The following SLC39A10 variants were observed in gnomAD, a reference collection of about 807,000 sequenced individuals.
SLC39A10 encodes the protein zinc transporter ZIP10.
SLC39A10 carries 13 observed loss-of-function variants against 65.1 expected under a neutral mutation model. The ratio of observed to expected loss-of-function variants is 0.20; its 90% CI spans 0.13 to 0.32. The LOEUF (loss-of-function observed/expected upper bound fraction) is 0.32. SLC39A10 is among the 10% of genes least tolerant of loss of function. SLC39A10 has a pLI of 1.00. For synonymous variants in SLC39A10, 321 were observed against 342.2 expected (o/e 0.94, Z 0.68); for missense variants, 831 against 1,018.4 (o/e 0.82, Z 2.50).
At chr2:195,692,331 CTTTTT>C (rs1419508439) in intron 3 of SLC39A10, among the ~76,000 whole-genome samples, 1 of 151,704 alleles carries the variant, frequency 6.6e-6, no homozygotes, top group African/African-American at 2.4e-5. Flanking sequence ...CCTGTAGGCT[CTTTTT>C]TGGTTCCATA....
At chr2:195,694,987 G>T (rs1414922009) in intron 3 of SLC39A10, among the ~76,000 whole-genome samples, 5 of 152,094 alleles carry the variant, frequency 3.3e-5, no homozygotes, top group African/African-American at 1.2e-4. Context: ...CCGCGGGGCC[G>T]GAGTCCCTGC....
rs180757991 is a variant in SLC39A10, at chr2:195,710,149, A to T, written c.1575+1305A>T. On this transcript the variant is annotated intron_variant, in intron 5 of 9. Transcript: ENST00000359634. ...CCTCACATTTATGAGAATACAAAAA[A>T]TATCTAAGAAGAATTATCCTCCAAG... 1.6e-4 allele frequency among the ~76,000 whole-genome samples: 24 copies of T among 152,332 alleles called. 2 individuals are homozygous for T. In the East Asian group the frequency reaches 4.4e-3, roughly 28 times the overall value.
rs1269914720 is a variant in SLC39A10 at position 195,716,711 on chromosome 2, T to A, written c.1771T>A (p.Ser591Thr). ...GACAGATTTAGAAGGCCAACAAGAATCCCCTCCTAAAAATTACCTTTGTAT... is the reference window on the plus strand; with the variant it reads ...GACAGATTTAGAAGGCCAACAAGAAACCCCTCCTAAAAATTACCTTTGTAT... The part of the protein sequence containing the change: ...ELTDLEGQQE[S>T]PPKNYLCIEE... Residue 591 changes from serine to threonine, a missense_variant, in exon 7 of 10, where the codon TCC becomes ACC. Physicochemically the swap from Ser to Thr is moderately conservative, Grantham distance 58. Around this residue, in one of 4 missense-constraint regions of SLC39A10, gnomAD observed 230 missense variants for 242.9 expected, o/e 0.95. Transcript: ENST00000359634. 3 of 1,614,046 alleles carry A rather than the reference T, an allele frequency of 1.9e-6. No homozygotes were observed. The highest frequency in any genetic ancestry group is 2.5e-6 in the Non-Finnish European group (3 of 1,179,984).
intron 2 of SLC39A10, among the ~76,000 whole-genome samples, chr2:195,614,614 C>A (rs944242806): frequency 6.6e-6 from 1 of 152,168 alleles, no homozygotes; most frequent in African/African-American, 2.4e-5. Context: ...AAAAAACCCC[C>A]TTAAAACACT....
rs1690427598 is a variant in SLC39A10 at position 195,683,896 on chromosome 2, A to G, written c.1206A>G (p.Ile402Met). The change falls in exon 3 of 10, where the codon ATA becomes ATG. Residue 402 changes from isoleucine (I) to methionine (M), a missense_variant. By Grantham distance (10) the Ile-to-Met change is conservative (BLOSUM62 1). Coordinates refer to ENST00000359634, the MANE Select transcript of SLC39A10 (RefSeq NM_020342.3). ...TGGTTCCTGAAGATGAGGCAAATAT[A>G]GGGGCATCAGGTAAGAGAGATTTTA... The part of the protein sequence containing the change: ...KNLVPEDEAN[I>M]GASAWICGII... 3.1e-6 allele frequency: 5 copies of G among 1,610,806 alleles called. No homozygotes were observed. Among genetic ancestry groups the G allele is most frequent in the Non-Finnish European group, 3.4e-6 (4 of 1,178,370 alleles).
intron 1 of SLC39A10, among the ~76,000 whole-genome samples, chr2:195,669,074 GAAA>G (rs11440320): frequency 1.5e-5 from 2 of 135,036 alleles, no homozygotes; most frequent in East Asian, 4.4e-4. Flanking sequence ...CTCCCTCTCA[GAAA>G]AAAAAAAAAA....
intron 2 of SLC39A10, among the ~76,000 whole-genome samples, chr2:195,627,432 C>T (rs909043784): frequency 5.3e-5 from 8 of 152,018 alleles, no homozygotes; most frequent in African/African-American, 1.7e-4. Context: ...GGAGGGCTGG[C>T]GATGTGATTC....
At chr2:195,628,427 C>T (rs1688517906) in intron 2 of SLC39A10, among the ~76,000 whole-genome samples, 1 of 152,198 alleles carries the variant, frequency 6.6e-6, no homozygotes, top group Admixed American at 6.5e-5. Context: ...TTAGCAGGCT[C>T]ATCTTAGATC....
At chr2:195,710,074 G>T (rs1457831908) in intron 5 of SLC39A10, among the ~76,000 whole-genome samples, 1 of 152,150 alleles carries the variant, frequency 6.6e-6, no homozygotes, top group East Asian at 1.9e-4. Context: ...CTTGACGCTT[G>T]GTTGAACTGT....
intron 9 of SLC39A10, among the ~76,000 whole-genome samples, chr2:195,732,301 T>C (rs115049836): frequency 0.018 from 2,767 of 152,318 alleles, 79 homozygotes; most frequent in African/African-American, 0.063. Context: ...CAATAAGATA[T>C]CAACAGTACC....
chr2:195,681,945 T>A (rs1690341453), intron 2 of SLC39A10, among the ~76,000 whole-genome samples: 1 of 152,200 alleles, frequency 6.6e-6, no homozygotes, highest in South Asian at 2.1e-4. Context: ...CACTTTATGA[T>A]AAGGCCTACT....
At chr2:195,626,032 C>A (rs904580468) in intron 2 of SLC39A10, among the ~76,000 whole-genome samples, 6 of 152,224 alleles carry the variant, frequency 3.9e-5, no homozygotes, top group African/African-American at 7.2e-5. Context: ...GATCTGCCCT[C>A]CTTGGACTCC....
chr2:195,720,009 C>T (rs527742530), intron 8 of SLC39A10, among the ~76,000 whole-genome samples: 7 of 151,876 alleles, frequency 4.6e-5, no homozygotes, highest in African/African-American at 1.5e-4. Context: ...AGGCTGGTCT[C>T]GAACTCCTGA....
At chr2:195,697,054 T>C (rs1267379597) in intron 3 of SLC39A10, among the ~76,000 whole-genome samples, 1 of 152,066 alleles carries the variant, frequency 6.6e-6, no homozygotes, top group Admixed American at 6.6e-5. Flanking sequence ...TCATGTTGAG[T>C]AGGCTGAGGA....
intron 1 of SLC39A10, among the ~76,000 whole-genome samples, chr2:195,659,004 A>C (rs1324795976): frequency 3.9e-5 from 6 of 152,272 alleles, no homozygotes; most frequent in African/African-American, 1.4e-4. Flanking sequence ...AGCATTAGTG[A>C]GGACTGTAAA....
intron 3 of SLC39A10, among the ~76,000 whole-genome samples, chr2:195,705,505 G>C (rs1691367565): frequency 1.3e-5 from 2 of 152,130 alleles, no homozygotes; most frequent in Non-Finnish European, 1.5e-5. Flanking sequence ...CCTTTAGTGG[G>C]ACAGTTAGTA....
chr2:195,647,259 G>C (rs556889328), intron 2 of SLC39A10, among the ~76,000 whole-genome samples: 1 of 151,894 alleles, frequency 6.6e-6, no homozygotes, highest in South Asian at 2.1e-4. Flanking sequence ...CACCCTAGTC[G>C]TATGATAATA....
intron 2 of SLC39A10, among the ~76,000 whole-genome samples, chr2:195,631,970 C>T (rs1162680723): frequency 1.3e-5 from 2 of 152,056 alleles, no homozygotes; most frequent in Non-Finnish European, 2.9e-5. Context: ...CTCACTGCTG[C>T]CTCAACCTCC....
At chr2:195,633,440 G>T (rs950169527) in intron 2 of SLC39A10, among the ~76,000 whole-genome samples, 1 of 152,212 alleles carries the variant, frequency 6.6e-6, no homozygotes. Flanking sequence ...GGTACAGTGA[G>T]GCTCTTTTAG....
Sources: allele counts gnomAD v4.1 joint callset (sites outside exome capture counted in the v4.1 genomes callset), GRCh38; gene constraint gnomAD v4.1.1; regional missense constraint gnomAD v4.1.1; transcripts MANE v1.5; gene names NCBI Gene and HGNC (gene_info 2026-07-23, HGNC 2026-07-21).